HSD17B12: variants seen among roughly 807,000 people sequenced by gnomAD.
HSD17B12 encodes the protein hydroxysteroid 17-beta dehydrogenase 12, also known as very-long-chain 3-oxoacyl-CoA reductase.
HSD17B12 carries 32 observed loss-of-function variants against 39.3 expected under a neutral mutation model. That is an observed-to-expected ratio of 0.81 (90% CI 0.61 to 1.09). HSD17B12 has a LOEUF of 1.09. Ranked by LOEUF, HSD17B12 falls within the 50% of genes least tolerant of loss-of-function variation. The pLI is 0.00. For synonymous variants in HSD17B12, 150 were observed against 146.7 expected, an observed-to-expected ratio of 1.02 and a Z score of -0.16; for missense variants, 342 against 382.9, an observed-to-expected ratio of 0.89 and a Z score of 0.89.
chr11:43,645,980 C>CA, the HSD17B12 span: 3,441 of 142,068 alleles, frequency 0.024, 119 homozygotes, highest in African/African-American at 0.081. Flanking sequence ...GACCCTGTCT[C>CA]AAAAAAAAAA....
At chr11:43,842,086 C>T (rs1951432178) in intron 9 of HSD17B12, among the ~76,000 whole-genome samples, 2 of 152,244 alleles carry the variant, frequency 1.3e-5, no homozygotes, top group South Asian at 4.1e-4. Context: ...TTGTTCTTAA[C>T]CACTAGGCTA....
At chr11:43,763,716 C>T (rs145923685) in intron 3 of HSD17B12, among the ~76,000 whole-genome samples, 18 of 151,302 alleles carry the variant, frequency 1.2e-4, no homozygotes, top group African/African-American at 3.9e-4. Context: ...ACTTTACATT[C>T]TGTGATTATT....
chr11:43,800,545 C>T (rs1329781036), intron 4 of HSD17B12, among the ~76,000 whole-genome samples: 1 of 152,154 alleles, frequency 6.6e-6, no homozygotes, highest in Non-Finnish European at 1.5e-5. Context: ...TTCCTGCCCC[C>T]TATATGGAAA....
At chr11:43,635,266 T>C in the HSD17B12 span, among the ~76,000 whole-genome samples, 1 of 152,148 alleles carries the variant, frequency 6.6e-6, no homozygotes, top group Non-Finnish European at 1.5e-5. Context: ...TAAGGTAAAA[T>C]CTTATTGAGA....
At chr11:43,773,957 C>G (rs1565083689) in intron 3 of HSD17B12, among the ~76,000 whole-genome samples, 1 of 152,112 alleles carries the variant, frequency 6.6e-6, no homozygotes. Flanking sequence ...CCTCTCTTTT[C>G]TGTTTCTGTT....
At chr11:43,743,841 C>T (rs1047292094) in intron 1 of HSD17B12, among the ~76,000 whole-genome samples, 1 of 152,044 alleles carries the variant, frequency 6.6e-6, no homozygotes, top group Non-Finnish European at 1.5e-5. Flanking sequence ...CCAAAACAAT[C>T]AAGAAGGAAC....
chr11:43,836,471 A>G (rs955160359), intron 7 of HSD17B12, among the ~76,000 whole-genome samples: 3 of 152,178 alleles, frequency 2.0e-5, no homozygotes, highest in Non-Finnish European at 2.9e-5. Context: ...TAAAGGTGAT[A>G]CATTCCAATA....
chr11:43,701,720 T>A (rs964177793), intron 1 of HSD17B12, among the ~76,000 whole-genome samples: 12 of 152,226 alleles, frequency 7.9e-5, no homozygotes, highest in African/African-American at 2.9e-4. Context: ...CATGCTGTTT[T>A]AGTTATTATA....
At chr11:43,593,869 A>G in the HSD17B12 span, among the ~76,000 whole-genome samples, 3 of 152,148 alleles carry the variant, frequency 2.0e-5, no homozygotes, top group African/African-American at 4.8e-5. Flanking sequence ...TTTAAAACAT[A>G]TAGTATAAAT....
chr11:43,698,242 A>G (rs895474575), intron 1 of HSD17B12, among the ~76,000 whole-genome samples: 8 of 152,186 alleles, frequency 5.3e-5, no homozygotes, highest in African/African-American at 1.9e-4. Context: ...AAGAGAGATC[A>G]GGCTTTGGGA....
At chr11:43,671,554 A>G in the HSD17B12 span, among the ~76,000 whole-genome samples, 1 of 152,242 alleles carries the variant, frequency 6.6e-6, no homozygotes, top group Non-Finnish European at 1.5e-5. Flanking sequence ...TATTCTGAGT[A>G]AGATTGATGG....
chr11:43,852,516 G>C (rs748863430), intron 9 of HSD17B12: 9 of 151,788 alleles, frequency 5.9e-5, no homozygotes, highest in Non-Finnish European at 1.0e-4. Flanking sequence ...ATAGAAATGA[G>C]AAATGGTTTG....
At chr11:43,817,296 T>G (rs542185474) in intron 6 of HSD17B12, among the ~76,000 whole-genome samples, 13 of 152,280 alleles carry the variant, frequency 8.5e-5, no homozygotes, top group South Asian at 8.3e-4. Flanking sequence ...CTGTGGGTTG[T>G]CTGTTTACTC....
chr11:43,698,076 CTG>C (rs1949928286), intron 1 of HSD17B12, among the ~76,000 whole-genome samples: 1 of 152,054 alleles, frequency 6.6e-6, no homozygotes, highest in African/African-American at 2.4e-5. Flanking sequence ...ATTAAGGAAA[CTG>C]AGACAGGGAC....
chr11:43,735,559 C>G lies in HSD17B12; in HGVS notation c.161-15352C>G, dbSNP rs866333298. 2.6e-5 allele frequency among the ~76,000 whole-genome samples: 4 copies of G among 152,122 alleles called. No homozygotes were observed. In the South Asian group the frequency reaches 6.2e-4, roughly 24 times the overall value. On this transcript the variant is annotated intron_variant, in intron 1 of 10. Transcript: ENST00000278353. Reference sequence around the variant, plus strand: ...TTGTATATCCTCTTTGGATAAATGTCTATTCAAGTCCTTTGCCCAATTTTA... The same window carrying G: ...TTGTATATCCTCTTTGGATAAATGTGTATTCAAGTCCTTTGCCCAATTTTA...
At chr11:43,806,059 C>T (rs1023286513) in intron 4 of HSD17B12, among the ~76,000 whole-genome samples, 2 of 152,226 alleles carry the variant, frequency 1.3e-5, no homozygotes, top group African/African-American at 4.8e-5. Context: ...GTTCTAAGCC[C>T]TGTCCTGGTG....
At chr11:43,657,713 A>C in the HSD17B12 span, among the ~76,000 whole-genome samples, 1 of 152,208 alleles carries the variant, frequency 6.6e-6, no homozygotes, top group East Asian at 1.9e-4. Flanking sequence ...TTCCTTTAAG[A>C]ATGTTGAATA....
the HSD17B12 span, among the ~76,000 whole-genome samples, chr11:43,607,435 C>A: frequency 6.6e-6 from 1 of 152,088 alleles, no homozygotes; most frequent in South Asian, 2.1e-4. Context: ...ATACAAAAGC[C>A]GCTCAAGCAC....
chr11:43,703,032 T>C (rs1023102402), intron 1 of HSD17B12, among the ~76,000 whole-genome samples: 3 of 151,904 alleles, frequency 2.0e-5, no homozygotes, highest in African/African-American at 7.3e-5. Flanking sequence ...TTTGTTGTTG[T>C]TGTTTTTTTT....
Sources: gnomAD v4.1 joint callset for allele counts (sites outside exome capture counted in the v4.1 genomes callset) on GRCh38, gnomAD v4.1.1 for gene constraint, MANE v1.5 for transcripts, NCBI Gene and HGNC (gene_info 2026-07-23, HGNC 2026-07-21) for gene names.